Variants in NR2C1 observed in about 807,000 individuals in gnomAD.
The protein encoded by NR2C1 is TR2 nuclear hormone receptor.
A neutral mutation model predicts 74.8 loss-of-function variants in NR2C1; 33 were observed. The observed-to-expected ratio is 0.44, with a 90% CI of 0.33 to 0.59. The LOEUF is 0.59. Ranked by LOEUF, NR2C1 falls within the 20% of genes least tolerant of loss-of-function variation. NR2C1 has a pLI of 0.02. For synonymous variants in NR2C1, 225 were observed against 240.6 expected (o/e 0.94, Z 0.60); for missense variants, 568 against 715.6 (o/e 0.79, Z 2.35).
intron 11 of NR2C1, among the ~76,000 whole-genome samples, chr12:95,028,882 G>A (rs1192388832): frequency 1.3e-5 from 2 of 152,144 alleles, no homozygotes; most frequent in Admixed American, 6.5e-5. Flanking sequence ...GCCCACCTGT[G>A]CCTCCCAAAG....
intron 8 of NR2C1, chr12:95,049,627 T>C (rs1872722576): frequency 6.5e-6 from 1 of 154,530 alleles, no homozygotes; most frequent in South Asian, 2.0e-4. Context: ...CAATTAATTA[T>C]TTTTTAAGAA....
chr12:95,062,562 T>C lies in NR2C1; in HGVS notation c.231A>G (p.Ala77=), dbSNP rs1174699318. 6.2e-7 allele frequency: 1 copy of C among 1,613,702 alleles called. No individual in the cohort carries two copies. Among genetic ancestry groups the C allele is most frequent in the Non-Finnish European group, 8.5e-7 (1 of 1,179,756 alleles). Residue 77 remains alanine, a synonymous_variant, in exon 3 of 14, where the codon GCA becomes GCG. Transcript: ENST00000333003. ...TGGTAAAAAATAACTGGTTGACACC[T>C]GCTGCATCTGGAGTTGTAAGGAAAA... ...GKVFLTTPDA[A]GVNQLFFTTP...
intron 7 of NR2C1, among the ~76,000 whole-genome samples, chr12:95,052,902 A>C (rs543629619): frequency 5.3e-5 from 8 of 152,324 alleles, no homozygotes; most frequent in African/African-American, 1.9e-4. Flanking sequence ...CATTAAAAGA[A>C]ATAGATCAGT....
rs745723630 is a variant in NR2C1 at position 95,072,291 on chromosome 12, C to CA, written c.-8+1088dup. ...AAAATACAAAAAACAAAAACAAAAA[C>CA]AAAAACAAAAAAACTAGCTGGGTGT... On this transcript the variant is annotated intron_variant, in intron 1 of 13. Coordinates refer to ENST00000333003, the MANE Select transcript of NR2C1 (RefSeq NM_003297.4). 6.4e-3 allele frequency among the ~76,000 whole-genome samples: 797 copies of CA among 125,398 alleles called. 11 individuals are homozygous for CA. The highest frequency in any genetic ancestry group is 0.022 in the African/African-American group (712 of 32,434). 82.3% of individuals were successfully genotyped at this position (125,398 alleles called of 152,430 possible). A position where few individuals can be genotyped will look rare whatever the true frequency, so the allele number is the denominator to read the frequency against.
At chr12:95,046,012 GT>G (rs1565852637) in intron 9 of NR2C1, among the ~76,000 whole-genome samples, 1 of 151,916 alleles carries the variant, frequency 6.6e-6, no homozygotes, top group African/African-American at 2.4e-5. Context: ...GCTAATTTTT[GT>G]ATTTTTAGTA....
intron 3 of NR2C1, among the ~76,000 whole-genome samples, chr12:95,060,722 T>G (rs1874669689): frequency 6.6e-6 from 1 of 152,198 alleles, no homozygotes; most frequent in African/African-American, 2.4e-5. Context: ...CTTTCAACCT[T>G]TTCATCATTT....
At position 95,022,375 on chromosome 12, in the gene NR2C1, C is replaced by G; in HGVS notation, c.1666G>C (p.Ala556Pro). 6.2e-7 allele frequency: 1 copy of G among 1,612,668 alleles called. No individual in the cohort carries two copies. The highest frequency in any genetic ancestry group is 8.5e-7 in the Non-Finnish European group (1 of 1,179,746). The change falls in exon 14 of 14, where the codon GCT becomes CCT. Residue 556 changes from alanine to proline, a missense_variant. By Grantham distance (27) the Ala-to-Pro change is conservative. Transcript: ENST00000333003. ...RLSRLLLRLP[A>P]LRLMNATITE... is the part of the protein sequence containing the mutation. ...ATGGTAGCATTCATCAGTCTTAAAGCTGGCAATCTGAGTAGTAGTCTGGAT... is the reference window on the plus strand; with the variant it reads ...ATGGTAGCATTCATCAGTCTTAAAGGTGGCAATCTGAGTAGTAGTCTGGAT...
At position 95,020,962 on chromosome 12, in the gene NR2C1, T is replaced by C. The variant is rs185996778; in HGVS notation, c.*1267A>G. ...AAAATTATCAATAGCTTCAAAATAA[T>C]GTTTAAACTTGCCTTGAGAACATGT... On this transcript the variant is annotated 3_prime_UTR_variant, in exon 14 of 14. Coordinates refer to ENST00000333003, the MANE Select transcript of NR2C1 (RefSeq NM_003297.4). 1.3e-5 allele frequency: 2 copies of C among 152,296 alleles called. No homozygotes were observed. The highest frequency in any genetic ancestry group is 4.8e-5 in the African/African-American group (2 of 41,586). The allele number at this position is 152,296 out of a possible 1,614,324, so 9.4% of individuals were successfully genotyped here. A position where few individuals can be genotyped will look rare whatever the true frequency, so the allele number is the denominator to read the frequency against.
intron 9 of NR2C1, among the ~76,000 whole-genome samples, chr12:95,044,710 C>T (rs966216729): frequency 6.6e-6 from 1 of 152,014 alleles, no homozygotes; most frequent in Non-Finnish European, 1.5e-5. Flanking sequence ...GAAACCTCGT[C>T]TGTATTTAAA....
chr12:95,044,480 G>A (rs905649866), intron 9 of NR2C1, among the ~76,000 whole-genome samples: 5 of 150,614 alleles, frequency 3.3e-5, no homozygotes, highest in South Asian at 2.1e-4. Flanking sequence ...GTTTCACCAC[G>A]TTGGTCAGTC....
intron 1 of NR2C1, among the ~76,000 whole-genome samples, chr12:95,071,896 G>A (rs909260589): frequency 6.6e-6 from 1 of 151,378 alleles, no homozygotes; most frequent in African/African-American, 2.4e-5. Flanking sequence ...TTACAGGTGT[G>A]CGCCACCACG....
At chr12:95,056,802 CA>C (rs1434087289) in intron 7 of NR2C1, among the ~76,000 whole-genome samples, 1 of 151,668 alleles carries the variant, frequency 6.6e-6, no homozygotes, top group Non-Finnish European at 1.5e-5. Context: ...ACTAAAAATA[CA>C]AAAAAATTAG....
At chr12:95,058,835 C>G (rs1309659663) in intron 4 of NR2C1, among the ~76,000 whole-genome samples, 2 of 151,928 alleles carry the variant, frequency 1.3e-5, no homozygotes, top group Non-Finnish European at 2.9e-5. Flanking sequence ...TGCCATTTTG[C>G]CCAGGCTGGT....
chr12:95,028,461 C>T lies in NR2C1; in HGVS notation c.1457G>A (p.Cys486Tyr). The change falls in exon 12 of 14, where the codon TGT becomes TAT. Residue 486 changes from cysteine (C) to tyrosine (Y), a missense_variant. Cys to Tyr is a radical substitution (Grantham distance 194, BLOSUM62 -2). This residue lies in a region of NR2C1 where 117 missense variants were observed against 186.7 expected (regional missense o/e 0.63). Coordinates refer to ENST00000333003, the MANE Select transcript of NR2C1 (RefSeq NM_003297.4). ...MEHIFKLQEF[C>Y]NSMVKLCIDG... ...AATGCAGAGTTTAACCATGCTGTTA[C>T]AAAACTCCTGTAGTTTGAAGATGTG... 2 of 1,599,702 alleles carry T rather than the reference C, an allele frequency of 1.3e-6. No homozygotes were observed. Among genetic ancestry groups the T allele is most frequent in the Non-Finnish European group, 1.7e-6 (2 of 1,169,366 alleles).
chr12:95,035,735 T>C (rs1244431798), intron 10 of NR2C1, among the ~76,000 whole-genome samples: 1 of 152,220 alleles, frequency 6.6e-6, no homozygotes, highest in Non-Finnish European at 1.5e-5. Context: ...CCTGATGGTA[T>C]AGCTAGCTAT....
At chr12:95,051,386 T>C (rs1360542611) in intron 8 of NR2C1, among the ~76,000 whole-genome samples, 2 of 152,172 alleles carry the variant, frequency 1.3e-5, no homozygotes, top group Non-Finnish European at 2.9e-5. Context: ...CCACTAAGGA[T>C]GATAAAATGG....
intron 9 of NR2C1, among the ~76,000 whole-genome samples, chr12:95,045,528 A>T (rs1872203083): frequency 6.6e-6 from 1 of 152,196 alleles, no homozygotes; most frequent in Non-Finnish European, 1.5e-5. Context: ...ATGAAGAGGA[A>T]GGGAGAAATT....
intron 7 of NR2C1, among the ~76,000 whole-genome samples, chr12:95,055,680 G>A (rs908181529): frequency 6.6e-6 from 1 of 152,048 alleles, no homozygotes; most frequent in South Asian, 2.1e-4. Flanking sequence ...CCGGCCGGGC[G>A]CAGTGGCTCA....
At chr12:95,069,231 A>C (rs1350837469) in intron 1 of NR2C1, among the ~76,000 whole-genome samples, 2 of 152,178 alleles carry the variant, frequency 1.3e-5, no homozygotes, top group Non-Finnish European at 2.9e-5. Flanking sequence ...AGACTCAAAG[A>C]AGTCACCTCC....
Sources: gnomAD v4.1 joint callset for allele counts (sites outside exome capture counted in the v4.1 genomes callset) on GRCh38, gnomAD v4.1.1 for gene constraint, gnomAD v4.1.1 regional missense constraint, MANE v1.5 for transcripts, NCBI Gene and HGNC (gene_info 2026-07-23, HGNC 2026-07-21) for gene names.